SUGP1: variants seen among roughly 807,000 people sequenced by gnomAD.
The protein encoded by SUGP1 is SURP and G-patch domain-containing protein 1.
In SUGP1, 34 loss-of-function variants were observed where a neutral mutation model predicts 76.5. The observed-to-expected ratio is 0.44, with a 90% confidence interval of 0.34 to 0.59. SUGP1 has a LOEUF of 0.59. Among genes scored for constraint, SUGP1 ranks in the 20% least tolerant of loss-of-function variants. SUGP1 has a pLI of 0.01. For missense variants in SUGP1, 752 were observed against 851.7 expected (o/e 0.88, Z 1.46); for synonymous variants, 326 against 326.2 (o/e 1.00, Z 0.01).
intron 8 of SUGP1, chr19:19,280,648 T>TGGGCAGCATGC (rs1424356704): frequency 3.2e-5 from 8 of 251,082 alleles, no homozygotes; most frequent in Non-Finnish European, 5.5e-5. Context: ...AGACGGCATG[T>TGGGCAGCATGC]GGGCAGCATG....
chr19:19,277,096 T>A lies in SUGP1; in HGVS notation c.1782-20A>T. On this transcript the variant is annotated intron_variant, in intron 12 of 13. Transcript: ENST00000247001. The stretch of plus-strand genomic sequence containing the variant: ...GTGCCCCTACAGGGAGAAGAGGATG[T>A]GAGCAGGGACCTGGGGCCAGAACTC... 6.2e-7 allele frequency: 1 copy of A among 1,601,670 alleles called. No individual in the cohort carries two copies.
intron 8 of SUGP1, among the ~76,000 whole-genome samples, chr19:19,295,912 C>T (rs1015572098): frequency 6.6e-6 from 1 of 152,082 alleles, no homozygotes; most frequent in Non-Finnish European, 1.5e-5. Flanking sequence ...GACATTTCTC[C>T]AAAGAAGCTA....
At position 19,297,023 on chromosome 19, in the gene SUGP1, C is replaced by G; in HGVS notation, c.1209G>C (p.Gln403His). ...KVELPPAELVQRDVDASPSPL... is the reference protein window; with the variant it reads ...KVELPPAELVHRDVDASPSPL... The stretch of plus-strand genomic sequence containing the variant: ...GCGAGGGAGAGGCATCCACGTCCCT[C>G]TGCACCAGTTCAGCAGGTGGGAGCT... The change falls in exon 8 of 14, where the codon CAG (glutamine) becomes CAC (histidine). Residue 403 changes from glutamine to histidine, a missense_variant. Physicochemically the swap from Gln to His is conservative, Grantham distance 24. Coordinates refer to ENST00000247001, the MANE Select transcript of SUGP1 (RefSeq NM_172231.4). The G allele has an allele frequency of 6.3e-7, 1 of 1,598,372 alleles. No homozygotes were observed. Among genetic ancestry groups the G allele is most frequent in the Non-Finnish European group, 8.6e-7 (1 of 1,168,930 alleles).
intron 1 of SUGP1, among the ~76,000 whole-genome samples, chr19:19,317,210 C>G (rs1437620365): frequency 6.6e-6 from 1 of 150,778 alleles, no homozygotes; most frequent in Non-Finnish European, 1.5e-5. Context: ...GAAAAAGTAA[C>G]AGGAGAGTAC....
In SUGP1 at chr19:19,320,487, T is replaced by G. The variant is rs757155060; in HGVS notation, c.10A>C (p.Lys4Gln). 7 of 1,610,324 alleles carry G rather than the reference T, an allele frequency of 4.3e-6. No individual in the cohort carries two copies. The highest frequency in any genetic ancestry group is 5.9e-6 in the Non-Finnish European group (7 of 1,178,674). MSL[K>Q]MDNRDVAGKA... ...CCTGCAACATCCCGGTTGTCCATCT[T>G]GAGACTCATCCAATCCCACAATGCT... Residue 4 changes from lysine (K) to glutamine (Q), a missense_variant, in exon 1 of 14, where the codon AAG becomes CAG. By Grantham distance (53) the Lys-to-Gln change is moderately conservative (BLOSUM62 1). Around this residue, in one of 2 missense-constraint regions of SUGP1, gnomAD observed 620 missense variants for 617.3 expected, o/e 1.00. Coordinates refer to ENST00000247001, the MANE Select transcript of SUGP1 (RefSeq NM_172231.4).
chr19:19,277,624 A>G, intron 12 of SUGP1, 110 bp downstream of exon 12: 1 of 1,404,018 alleles, frequency 7.1e-7, no homozygotes, highest in East Asian at 2.4e-5. Context: ...TGCTGTGATC[A>G]TTTTGCCACA....
chr19:19,310,401 C>T (rs151013731), intron 2 of SUGP1, among the ~76,000 whole-genome samples: 3 of 152,308 alleles, frequency 2.0e-5, no homozygotes, highest in East Asian at 1.9e-4. Flanking sequence ...GGCTTCAGTA[C>T]GGTAAGCTGG....
At chr19:19,297,441 G>T in intron 7 of SUGP1, 97 bp from the exon 8 acceptor site, 1 of 729,300 alleles carries the variant, frequency 1.4e-6, no homozygotes, top group Non-Finnish European at 2.0e-6. Context: ...GCCCACGTTG[G>T]CCAGGGTCAC....
At position 19,297,222 on chromosome 19, in the gene SUGP1, T is replaced by C. The variant is rs2146609241; in HGVS notation, c.1010A>G (p.Lys337Arg). Residue 337 changes from lysine (K) to arginine (R), a missense_variant, in exon 8 of 14, where the codon AAG becomes AGG. Physicochemically the swap from Lys to Arg is conservative, Grantham distance 26. This residue lies in a region of SUGP1 where 620 missense variants were observed against 617.3 expected (regional missense o/e 1.00). Coordinates refer to ENST00000247001, the MANE Select transcript of SUGP1 (RefSeq NM_172231.4). ...FTAPDPGLKR[K>R]SPPEALSGSL... ...CCCTGACAGGGCCTCAGGAGGGGAC[T>C]TGCGCTTCAGGCCGGGATCAGGTGC... The C allele has an allele frequency of 1.9e-6, 3 of 1,600,018 alleles. No individual in the cohort carries two copies. The highest frequency in any genetic ancestry group is 1.1e-5 in the South Asian group (1 of 90,344).
intron 3 of SUGP1, among the ~76,000 whole-genome samples, chr19:19,306,597 GACCAGCTGTCTC>G (rs1275677651): frequency 5.9e-5 from 9 of 152,242 alleles, no homozygotes. Context: ...AGAGGTCGAA[GACCAGCTGTCTC>G]ACCAGCAACA....
At position 19,310,320 on chromosome 19, in the gene SUGP1, C is replaced by T. The variant is rs541292781; in HGVS notation, c.207-120G>A. The T allele has an allele frequency of 9.4e-6, 7 of 748,570 alleles. No homozygotes were observed. In the South Asian group the frequency reaches 1.1e-4, roughly 11 times the overall value. 46.4% of individuals were successfully genotyped at this position (748,570 alleles called of 1,614,324 possible). A position where few individuals can be genotyped will look rare whatever the true frequency, so the allele number is the denominator to read the frequency against. ...CATCATGGCCCCTAACTCACCCCAG[C>T]ACTCTCACCTACTGGGACCCCAAAC... On this transcript the variant is annotated intron_variant, in intron 2 of 13. Transcript: ENST00000247001.
chr19:19,306,928 C>T (rs1599866670), intron 3 of SUGP1, among the ~76,000 whole-genome samples: 1 of 152,174 alleles, frequency 6.6e-6, no homozygotes, highest in Admixed American at 6.6e-5. Context: ...GTGACAGCTT[C>T]AGGAAGAGCC....
At chr19:19,303,628 C>G in intron 5 of SUGP1, 96 bp downstream of exon 5, 1 of 1,499,784 alleles carries the variant, frequency 6.7e-7, no homozygotes, top group Non-Finnish European at 9.3e-7. Flanking sequence ...CTTGGAACAG[C>G]ATCCGGCCCA....
intron 7 of SUGP1, among the ~76,000 whole-genome samples, chr19:19,298,297 A>C (rs1265097995): frequency 2.0e-5 from 3 of 152,212 alleles, no homozygotes; most frequent in Non-Finnish European, 4.4e-5. Flanking sequence ...CAGGAGTTCG[A>C]GACCAGCCTG....
chr19:19,315,750 T>C (rs936402749), intron 2 of SUGP1, among the ~76,000 whole-genome samples: 3 of 152,158 alleles, frequency 2.0e-5, no homozygotes, highest in African/African-American at 2.4e-5. Context: ...GGGAACACAC[T>C]GCCTTTGTTA....
At chr19:19,302,971 C>T (rs1236033410) in intron 6 of SUGP1, among the ~76,000 whole-genome samples, 3 of 152,148 alleles carry the variant, frequency 2.0e-5, no homozygotes, top group African/African-American at 7.2e-5. Context: ...ACTTGCCTTG[C>T]CCTGTCCTCA....
chr19:19,278,947 T>C, intron 10 of SUGP1, 151 bp from the exon 11 acceptor site: 2 of 831,920 alleles, frequency 2.4e-6, no homozygotes, highest in Non-Finnish European at 3.8e-6. Flanking sequence ...CCCGAGCCTC[T>C]GCCTGGTGAG....
chr19:19,289,592 A>AC (rs1450914989), intron 8 of SUGP1, among the ~76,000 whole-genome samples: 1 of 152,020 alleles, frequency 6.6e-6, no homozygotes, highest in Non-Finnish European at 1.5e-5. Context: ...TACTAAAACC[A>AC]AAAAAATTAG....
At chr19:19,281,592 T>C (rs2269873) in intron 8 of SUGP1, 63,599 of 151,934 alleles carry the variant, frequency 0.42, 14,721 homozygotes, top group African/African-American at 0.62. Flanking sequence ...GGGAAGGCTG[T>C]CGCCTTCCCT....
Sources: allele counts gnomAD v4.1 joint callset (sites outside exome capture counted in the v4.1 genomes callset), GRCh38; gene constraint gnomAD v4.1.1; regional missense constraint gnomAD v4.1.1; transcripts MANE v1.5; gene names NCBI Gene and HGNC (gene_info 2026-07-23, HGNC 2026-07-21).